The following HLCS variants were observed in gnomAD, a reference collection of about 807,000 sequenced individuals.
HLCS encodes the protein biotin--protein ligase.
In HLCS, 53 loss-of-function variants were observed where a neutral mutation model predicts 75.0. That is an observed-to-expected ratio of 0.71 (90% CI 0.57 to 0.89). The LOEUF (loss-of-function observed/expected upper bound fraction) is 0.89. Among genes scored for constraint, HLCS ranks in the 40% least tolerant of loss-of-function variants. HLCS has a pLI of 0.00. For missense variants in HLCS, 966 were observed against 1,074.0 expected (o/e 0.90, Z 1.41); for synonymous variants, 431 against 428.6 (o/e 1.01, Z -0.07).
At chr21:36,784,080 C>G (rs1398887610) in intron 6 of HLCS, among the ~76,000 whole-genome samples, 5 of 152,142 alleles carry the variant, frequency 3.3e-5, no homozygotes, top group Non-Finnish European at 7.3e-5. Flanking sequence ...ATGCTGGGCC[C>G]TTGGTATGAG....
intron 6 of HLCS, among the ~76,000 whole-genome samples, chr21:36,825,661 C>T (rs1223007410): frequency 6.6e-6 from 1 of 152,156 alleles, no homozygotes. Context: ...GCAGAGCTAG[C>T]GTAAGGCAGA....
At chr21:36,844,316 T>C (rs1045856149) in intron 6 of HLCS, among the ~76,000 whole-genome samples, 1 of 151,432 alleles carries the variant, frequency 6.6e-6, no homozygotes, top group Non-Finnish European at 1.5e-5. Flanking sequence ...ACCACACTAA[T>C]GAAAGATGTT....
chr21:36,986,242 T>G (rs1351571870), intron 1 of HLCS, among the ~76,000 whole-genome samples: 2 of 152,204 alleles, frequency 1.3e-5, no homozygotes, highest in African/African-American at 2.4e-5. Flanking sequence ...TCACCAGATG[T>G]GGCTCCTCAA....
chr21:36,937,008 G>T lies in HLCS; in HGVS notation c.878C>A (p.Thr293Asn). 6.2e-7 allele frequency: 1 copy of T among 1,614,066 alleles called. No homozygotes were observed. The change falls in exon 4 of 11, where the codon ACC becomes AAC. Residue 293 changes from threonine (T) to asparagine (N), a missense_variant. Transcript: ENST00000674895. The part of the protein sequence containing the change: ...SSSLESVADE[T>N]SPEREGRRVN... ...TCTCCTCCCTTCTCTTTCGGGGGAG[G>T]TCTCATCAGCAACACTCTCCAAACT... is the stretch of plus-strand genomic sequence containing the variant.
intron 6 of HLCS, among the ~76,000 whole-genome samples, chr21:36,873,563 T>C (rs955587794): frequency 6.6e-6 from 1 of 152,256 alleles, no homozygotes; most frequent in Non-Finnish European, 1.5e-5. Context: ...TTGCAAATAT[T>C]AACTCCCAGT....
chr21:36,767,395 G>A (rs1414181888), intron 6 of HLCS, 110 bp from the exon 7 acceptor site: 1 of 1,048,302 alleles, frequency 9.5e-7, no homozygotes, highest in Non-Finnish European at 1.5e-6. Flanking sequence ...GTGTGGCCAT[G>A]GAAGGGCCAA....
intron 5 of HLCS, among the ~76,000 whole-genome samples, chr21:36,907,124 C>T (rs916711720): frequency 1.3e-5 from 2 of 151,980 alleles, no homozygotes; most frequent in South Asian, 4.2e-4. Context: ...CATTCATATG[C>T]AAGAATATGA....
rs1422008910 is a variant in HLCS, at chr21:36,910,682, A to G, written c.1621-13551T>C. On this transcript the variant is annotated intron_variant, in intron 5 of 10. Transcript: ENST00000674895. ...CCAGTACCAAGCAAAGCAAGGCTCCATGCAGGTTTGCGAAATGCCTGTCTG... is the reference window on the plus strand; with the variant it reads ...CCAGTACCAAGCAAAGCAAGGCTCCGTGCAGGTTTGCGAAATGCCTGTCTG... Among the ~76,000 whole-genome samples the G allele has an allele frequency of 2.6e-5, 4 of 152,122 alleles. No individual in the cohort carries two copies. In the South Asian group the frequency reaches 8.3e-4, roughly 32 times the overall value.
At chr21:36,962,568 G>C (rs1211376999) in intron 1 of HLCS, among the ~76,000 whole-genome samples, 1 of 151,758 alleles carries the variant, frequency 6.6e-6, no homozygotes, top group East Asian at 1.9e-4. Context: ...TGGGCAGATC[G>C]CTTGAGCCCA....
intron 2 of HLCS, among the ~76,000 whole-genome samples, chr21:36,942,385 C>A: frequency 9.1e-6 from 1 of 110,494 alleles, no homozygotes; most frequent in East Asian, 2.7e-4. Flanking sequence ...GGCGACAGAG[C>A]AAGACTCCGT....
intron 6 of HLCS, among the ~76,000 whole-genome samples, chr21:36,893,341 G>A (rs953584537): frequency 9.2e-5 from 14 of 151,990 alleles, no homozygotes; most frequent in Admixed American, 2.0e-4. Context: ...CAAAATGCTG[G>A]GATTACAGGT....
intron 6 of HLCS, among the ~76,000 whole-genome samples, chr21:36,777,038 TG>T (rs1164079491): frequency 6.6e-6 from 1 of 152,230 alleles, no homozygotes; most frequent in African/African-American, 2.4e-5. Context: ...ATTCACATCT[TG>T]CTGTGGTGTG....
At chr21:36,982,987 T>C (rs2069152614) in intron 1 of HLCS, among the ~76,000 whole-genome samples, 1 of 152,018 alleles carries the variant, frequency 6.6e-6, no homozygotes, top group Non-Finnish European at 1.5e-5. Context: ...TGAGCCGAGA[T>C]TGTGCCAATG....
chr21:36,767,069 T>C, intron 7 of HLCS, 149 bp downstream of exon 7: 1 of 759,332 alleles, frequency 1.3e-6, no homozygotes. Flanking sequence ...CCTCTTCCTC[T>C]TCCTCCATTC....
intron 6 of HLCS, among the ~76,000 whole-genome samples, chr21:36,800,630 T>C (rs772892876): frequency 6.6e-6 from 1 of 152,158 alleles, no homozygotes; most frequent in Non-Finnish European, 1.5e-5. Flanking sequence ...CCCACCAAAA[T>C]GGCAGGGCTG....
chr21:36,874,881 C>T (rs771388171), intron 6 of HLCS, among the ~76,000 whole-genome samples: 2 of 152,204 alleles, frequency 1.3e-5, no homozygotes, highest in Non-Finnish European at 2.9e-5. Flanking sequence ...GTCCAGGAAG[C>T]ACCCCCGGTC....
Position 36,930,318 on chromosome 21 carries a change from AG to A in HLCS, c.1552del (p.Gly519AlafsTer6), listed in dbSNP as rs1569206815. 2 of 1,614,148 alleles carry A rather than the reference AG, an allele frequency of 1.2e-6. No individual in the cohort carries two copies. Among genetic ancestry groups the A allele is most frequent in the Non-Finnish European group, 8.5e-7 (1 of 1,180,006 alleles). ...TTGTTTCATGTCACAGCTGAGGCCA[AG>A]GGTTGTCAGAATCTCTCTAAGGACT... ...YEVLREILTTLGLSCDMKQVP... is the reference protein window; with the variant it reads ...YEVLREILTTXGLSCDMKQVP... On this transcript the variant is annotated frameshift_variant, in exon 5 of 11. Coordinates refer to ENST00000674895, the MANE Select transcript of HLCS (RefSeq NM_001352514.2). LOFTEE classifies it high-confidence loss of function.
At chr21:36,976,607 TA>T (rs1249551306) in intron 1 of HLCS, among the ~76,000 whole-genome samples, 1 of 152,072 alleles carries the variant, frequency 6.6e-6, no homozygotes, top group Non-Finnish European at 1.5e-5. Flanking sequence ...ATAATAATAA[TA>T]ATGTTGCACC....
intron 6 of HLCS, among the ~76,000 whole-genome samples, chr21:36,819,051 C>T (rs2061747982): frequency 6.6e-6 from 1 of 152,096 alleles, no homozygotes; most frequent in African/African-American, 2.4e-5. Context: ...ATGCTTGAGC[C>T]CCTACAGAAC....
Sources: allele counts gnomAD v4.1 joint callset (sites outside exome capture counted in the v4.1 genomes callset), GRCh38; gene constraint gnomAD v4.1.1; transcripts MANE v1.5; gene names NCBI Gene and HGNC (gene_info 2026-07-23, HGNC 2026-07-21).